ERC2: variants seen among roughly 807,000 people sequenced by gnomAD.
The protein encoded by ERC2 is ERC protein 2.
ERC2 carries 42 observed loss-of-function variants against 114.8 expected under a neutral mutation model. The observed-to-expected ratio is 0.37, with a 90% CI of 0.29 to 0.47. The LOEUF is 0.47. Among genes scored for constraint, ERC2 ranks in the 20% least tolerant of loss-of-function variants. The pLI, the probability that ERC2 is intolerant of heterozygous loss-of-function variation, is 0.99. For synonymous variants in ERC2, 454 were observed against 425.5 expected (o/e 1.07, Z -0.82); for missense variants, 939 against 1,150.7 (o/e 0.82, Z 2.66).
chr3:55,734,698 G>C (rs1421965418), intron 15 of ERC2, 73 bp downstream of exon 15: 2 of 1,531,282 alleles, frequency 1.3e-6, no homozygotes, highest in Non-Finnish European at 1.8e-6. Context: ...AAAATGAAGA[G>C]TGGCTAAAAT....
chr3:56,214,029 G>T (rs1326052000), intron 3 of ERC2, among the ~76,000 whole-genome samples: 1 of 152,138 alleles, frequency 6.6e-6, no homozygotes, highest in Non-Finnish European at 1.5e-5. Context: ...AAGACCAAAG[G>T]TAGATAGAAC....
chr3:56,132,349 T>C (rs2080251283), intron 6 of ERC2, among the ~76,000 whole-genome samples: 1 of 152,228 alleles, frequency 6.6e-6, no homozygotes, highest in Non-Finnish European at 1.5e-5. Context: ...TTATGATTCA[T>C]CTTGCAAACT....
intron 1 of ERC2, among the ~76,000 whole-genome samples, chr3:56,455,494 A>C (rs1333651671): frequency 6.6e-6 from 1 of 152,210 alleles, no homozygotes; most frequent in Non-Finnish European, 1.5e-5. Flanking sequence ...GTAAGTCCCA[A>C]GTAACTATTT....
chr3:55,834,525 A>T (rs541347767), intron 14 of ERC2, among the ~76,000 whole-genome samples: 211 of 152,232 alleles, frequency 1.4e-3, no homozygotes, highest in Middle Eastern at 6.8e-3. Flanking sequence ...GTACATAATG[A>T]AATGAAGGCA....
At chr3:55,539,496 C>T (rs1215688512) in intron 17 of ERC2, among the ~76,000 whole-genome samples, 1 of 131,176 alleles carries the variant, frequency 7.6e-6, no homozygotes, top group Non-Finnish European at 1.6e-5. Flanking sequence ...GATCTCAGCT[C>T]ACTGCACGCT....
intron 14 of ERC2, among the ~76,000 whole-genome samples, chr3:55,736,784 G>A (rs142588349): frequency 1.3e-5 from 2 of 152,078 alleles, no homozygotes; most frequent in Non-Finnish European, 1.5e-5. Context: ...TACAGTCATC[G>A]CTTATTCAAA....
At chr3:56,286,414 CAAAAAAAAA>C (rs778645110) in intron 3 of ERC2, among the ~76,000 whole-genome samples, 7 of 30,316 alleles carry the variant, frequency 2.3e-4, no homozygotes, top group African/African-American at 8.4e-4. Context: ...AACTCCATCT[CAAAAAAAAA>C]AAAAAAAAAA....
At chr3:55,872,837 A>G (rs573318711) in intron 14 of ERC2, among the ~76,000 whole-genome samples, 9 of 152,326 alleles carry the variant, frequency 5.9e-5, no homozygotes, top group African/African-American at 2.2e-4. Context: ...CTCAAGGTCC[A>G]TATTTCAGGA....
chr3:55,689,433 C>T (rs2062515150), intron 16 of ERC2, among the ~76,000 whole-genome samples: 1 of 152,118 alleles, frequency 6.6e-6, no homozygotes, highest in Admixed American at 6.5e-5. Context: ...TGTCGGCCAA[C>T]AATATTGTTT....
chr3:56,414,413 T>C (rs968721807), intron 2 of ERC2, among the ~76,000 whole-genome samples: 2 of 152,146 alleles, frequency 1.3e-5, no homozygotes, highest in Non-Finnish European at 2.9e-5. Context: ...TTCCTTGAAG[T>C]CAAGAGAATT....
At chr3:55,590,375 T>C (rs1559705052) in intron 17 of ERC2, among the ~76,000 whole-genome samples, 1 of 152,186 alleles carries the variant, frequency 6.6e-6, no homozygotes, top group Non-Finnish European at 1.5e-5. Context: ...GAGCACATCC[T>C]CTGACTCAGA....
Position 55,791,674 on chromosome 3 carries a change from G to A in ERC2, c.2565-56756C>T, listed in dbSNP as rs1280709716. The stretch of plus-strand genomic sequence containing the variant: ...AGGCACAATTTTGAATATAGGACTC[G>A]AATGAAAAATTAGAGTGTAGTCAAA... On this transcript the variant is annotated intron_variant, in intron 14 of 17. Transcript: ENST00000288221. Among the ~76,000 whole-genome samples the A allele has an allele frequency of 3.9e-5, 6 of 152,114 alleles. No homozygotes were observed. In the South Asian group the frequency reaches 8.3e-4, roughly 21 times the overall value.
chr3:55,869,863 C>T (rs80061977), intron 14 of ERC2, among the ~76,000 whole-genome samples: 2,166 of 152,092 alleles, frequency 0.014, 41 homozygotes, highest in African/African-American at 0.05. Flanking sequence ...CTTCAAAACC[C>T]GTCACAAGAA....
chr3:55,785,873 A>G (rs1000009357), intron 14 of ERC2, among the ~76,000 whole-genome samples: 1 of 152,222 alleles, frequency 6.6e-6, no homozygotes, highest in Non-Finnish European at 1.5e-5. Flanking sequence ...GTAAGATGCC[A>G]GCTACTTCTG....
intron 4 of ERC2, among the ~76,000 whole-genome samples, chr3:56,172,436 C>T (rs1198919167): frequency 2.6e-5 from 4 of 152,104 alleles, no homozygotes; most frequent in Non-Finnish European, 4.4e-5. Context: ...TTCAAGAGCT[C>T]GTATTAGTTT....
intron 3 of ERC2, among the ~76,000 whole-genome samples, chr3:56,260,353 A>G (rs1402945082): frequency 2.7e-5 from 2 of 74,918 alleles, no homozygotes; most frequent in East Asian, 4.7e-4. Flanking sequence ...CTTACCAAAT[A>G]AGGCAAAAAA....
intron 14 of ERC2, among the ~76,000 whole-genome samples, chr3:55,851,031 A>AG (rs1442959860): frequency 1.3e-5 from 2 of 152,040 alleles, no homozygotes; most frequent in Non-Finnish European, 2.9e-5. Flanking sequence ...TAGCCTGGAG[A>AG]GCCAGACAGA....
At chr3:55,916,052 G>T (rs763380937) in intron 13 of ERC2, among the ~76,000 whole-genome samples, 50 of 152,262 alleles carry the variant, frequency 3.3e-4, no homozygotes, top group Non-Finnish European at 6.8e-4. Flanking sequence ...AAGTCCTAGA[G>T]CATGAACTCT....
At chr3:56,311,243 CTCTCTCTCTCTCTA>C (rs1345957598) in intron 2 of ERC2, among the ~76,000 whole-genome samples, 32 of 20,952 alleles carry the variant, frequency 1.5e-3, no homozygotes, top group African/African-American at 3.6e-3. Context: ...CTCTCTCTCT[CTCTCTCTCTCTCTA>C]TATATATATA....
Sources: allele counts gnomAD v4.1 joint callset (sites outside exome capture counted in the v4.1 genomes callset), GRCh38; gene constraint gnomAD v4.1.1; transcripts MANE v1.5; gene names NCBI Gene and HGNC (gene_info 2026-07-23, HGNC 2026-07-21).